The following MAP6 variants were observed in gnomAD, a reference collection of about 807,000 sequenced individuals.
The protein encoded by MAP6 is microtubule associated protein 6.
Under a neutral mutation model 42.4 loss-of-function variants are expected in MAP6, and 26 were observed. That is an observed-to-expected ratio of 0.61 (90% CI 0.45 to 0.85). The LOEUF (loss-of-function observed/expected upper bound fraction) is 0.85. Among genes scored for constraint, MAP6 ranks in the 40% least tolerant of loss-of-function variants. The probability of loss-of-function intolerance (pLI) is 0.00; values close to 1 mark genes in which losing one functional copy is unlikely to be tolerated. For missense variants in MAP6, 966 were observed against 1,099.0 expected (o/e 0.88, Z 1.71); for synonymous variants, 418 against 443.8 (o/e 0.94, Z 0.73).
At chr11:75,647,211 T>C (rs542769852) in intron 1 of MAP6, among the ~76,000 whole-genome samples, 2 of 151,796 alleles carry the variant, frequency 1.3e-5, no homozygotes, top group South Asian at 4.2e-4. Flanking sequence ...CTCAAACTCC[T>C]GACCTCAAAG....
At chr11:75,609,425 C>G (rs1276743661) in intron 1 of MAP6, among the ~76,000 whole-genome samples, 1 of 152,132 alleles carries the variant, frequency 6.6e-6, no homozygotes, top group African/African-American at 2.4e-5. Context: ...ACTGATGACT[C>G]CCTCCTTCGG....
chr11:75,602,774 C>G (rs1485805069), intron 3 of MAP6: 7 of 952,860 alleles, frequency 7.3e-6, no homozygotes, highest in Non-Finnish European at 8.7e-6. Flanking sequence ...GGGCACAGCT[C>G]ATCTTGCAGA....
intron 2 of MAP6, among the ~76,000 whole-genome samples, chr11:75,606,631 C>T (rs1942782896): frequency 6.6e-6 from 1 of 152,216 alleles, no homozygotes; most frequent in African/African-American, 2.4e-5. Flanking sequence ...CCTGTTCTGT[C>T]TCTAGGCTGG....
chr11:75,640,108 A>G (rs572862567), intron 1 of MAP6, among the ~76,000 whole-genome samples: 27 of 152,244 alleles, frequency 1.8e-4, no homozygotes, highest in African/African-American at 6.0e-4. Flanking sequence ...GATGGTTGTC[A>G]GCACTGGGGG....
chr11:75,631,630 G>C (rs973357546), intron 1 of MAP6, among the ~76,000 whole-genome samples: 1 of 152,198 alleles, frequency 6.6e-6, no homozygotes, highest in African/African-American at 2.4e-5. Flanking sequence ...TCAAAGGCTG[G>C]TGATGAGATG....
At chr11:75,662,536 T>C (rs55791412) in intron 1 of MAP6, among the ~76,000 whole-genome samples, 4 of 152,346 alleles carry the variant, frequency 2.6e-5, no homozygotes, top group South Asian at 4.1e-4. Flanking sequence ...TGCATTAAAA[T>C]TATCTAGAGT....
intron 3 of MAP6, among the ~76,000 whole-genome samples, chr11:75,595,856 C>G (rs1942570289): frequency 6.6e-6 from 1 of 151,976 alleles, no homozygotes; most frequent in South Asian, 2.1e-4. Flanking sequence ...CCCTCCCCTC[C>G]TCTCCTCTCT....
intron 1 of MAP6, among the ~76,000 whole-genome samples, chr11:75,651,916 T>C (rs1173698966): frequency 6.6e-6 from 1 of 152,204 alleles, no homozygotes. Context: ...AACTATTGCC[T>C]ACCAGCCAGA....
chr11:75,604,611 A>G, intron 3 of MAP6: 1 of 985,016 alleles, frequency 1.0e-6, no homozygotes. Context: ...TTTTTTTCAC[A>G]ACAACTCCCT....
chr11:75,627,874 G>A (rs918918483), intron 1 of MAP6, among the ~76,000 whole-genome samples: 1 of 152,240 alleles, frequency 6.6e-6, no homozygotes, highest in Non-Finnish European at 1.5e-5. Context: ...CTGAGGCACT[G>A]AGACAATACC....
rs534770433 is a variant in MAP6 at position 75,601,834 on chromosome 11, G to A, written c.1316+3974C>T. Among the ~76,000 whole-genome samples, 4 of 149,020 alleles carry A rather than the reference G, an allele frequency of 2.7e-5. No homozygotes were observed. In the South Asian group the frequency reaches 8.9e-4, roughly 33 times the overall value. ...ACCTGGTGTTTGATGGCCCCCCTCC[G>A]ACCTTTGCTTGGGCAGACCCCTCTA... On this transcript the variant is annotated intron_variant, in intron 3 of 3. Transcript: ENST00000304771.
Position 75,608,151 on chromosome 11 carries a change from T to C in MAP6, c.1077A>G (p.Arg359=), listed in dbSNP as rs757562022. The C allele has an allele frequency of 1.9e-6, 3 of 1,614,210 alleles. No individual in the cohort carries two copies. The Admixed American group carries it at 5.0e-5, about 27-fold the overall frequency. Residue 359 remains arginine (R), a synonymous_variant, in exon 2 of 4, where the codon AGA becomes AGG. Coordinates refer to ENST00000304771, the MANE Select transcript of MAP6 (RefSeq NM_033063.2). ...TADNKVIDRR[R]IRSLYSEPFK... is the part of the protein sequence containing the mutation. The stretch of plus-strand genomic sequence containing the variant: ...AGGGTTCGCTGTAGAGGCTGCGTAT[T>C]CTTCTGCGATCAATGACCTTATTGT...
intron 3 of MAP6, chr11:75,605,437 T>G: frequency 9.8e-7 from 1 of 1,017,356 alleles, no homozygotes; most frequent in African/African-American, 1.7e-5. Flanking sequence ...GTGACACAGA[T>G]CTTGGGGATC....
At chr11:75,646,153 T>A (rs1236472799) in intron 1 of MAP6, among the ~76,000 whole-genome samples, 1 of 152,104 alleles carries the variant, frequency 6.6e-6, no homozygotes, top group East Asian at 1.9e-4. Flanking sequence ...AGAGGAAAGA[T>A]TCCATAGGAA....
intron 3 of MAP6, among the ~76,000 whole-genome samples, chr11:75,592,510 G>A (rs1272237312): frequency 6.6e-6 from 1 of 152,068 alleles, no homozygotes; most frequent in Non-Finnish European, 1.5e-5. Flanking sequence ...CCATCCATCA[G>A]GTCCCATTGA....
rs1230364185 is a variant in MAP6 at position 75,668,031 on chromosome 11, G to A, written c.339C>T (p.Thr113=). The A allele has an allele frequency of 9.9e-5, 122 of 1,232,052 alleles. 1 individual carries two copies. In the Admixed American group the frequency reaches 4.9e-3, roughly 49 times the overall value. The allele number at this position is 1,232,052 out of a possible 1,614,324, so 76.3% of individuals were successfully genotyped here. ...GPGPGLGSGS[T]SGPADSVMRQ... Reference sequence around the variant, plus strand: ...GCATCACCGAGTCCGCGGGGCCGGAGGTGGAGCCGGAGCCCAGGCCCGGGC... The same window carrying A: ...GCATCACCGAGTCCGCGGGGCCGGAAGTGGAGCCGGAGCCCAGGCCCGGGC... Residue 113 remains threonine, a synonymous_variant, in exon 1 of 4, where the codon ACC becomes ACT. Coordinates refer to ENST00000304771, the MANE Select transcript of MAP6 (RefSeq NM_033063.2).
intron 1 of MAP6, among the ~76,000 whole-genome samples, chr11:75,626,333 G>A (rs1032698181): frequency 6.6e-6 from 1 of 152,184 alleles, no homozygotes; most frequent in African/African-American, 2.4e-5. Context: ...ATGAAGGCCA[G>A]TAGAGGCAAA....
chr11:75,595,806 G>C (rs1942569391), intron 3 of MAP6, among the ~76,000 whole-genome samples: 1 of 132,270 alleles, frequency 7.6e-6, no homozygotes, highest in Admixed American at 9.3e-5. Flanking sequence ...GGCACTTTCA[G>C]GCCAGGGACC....
chr11:75,632,029 TTATAG>T (rs1943292285), intron 1 of MAP6, among the ~76,000 whole-genome samples: 1 of 152,226 alleles, frequency 6.6e-6, no homozygotes, highest in Non-Finnish European at 1.5e-5. Context: ...GAGTGTAAAA[TTATAG>T]GAGTCTCTTT....
Sources: gnomAD v4.1 joint callset for allele counts (sites outside exome capture counted in the v4.1 genomes callset) on GRCh38, gnomAD v4.1.1 for gene constraint, MANE v1.5 for transcripts, NCBI Gene and HGNC (gene_info 2026-07-23, HGNC 2026-07-21) for gene names.